The following PIK3CB variants were observed in gnomAD, a reference collection of about 807,000 sequenced individuals.
PIK3CB encodes the protein phosphatidylinositol-4,5-bisphosphate 3-kinase catalytic subunit beta, also known as phosphatidylinositol 4,5-bisphosphate 3-kinase catalytic subunit beta isoform.
PIK3CB carries 39 observed loss-of-function variants against 136.8 expected under a neutral mutation model. That is an observed-to-expected ratio of 0.29 (90% CI 0.22 to 0.37). The LOEUF (loss-of-function observed/expected upper bound fraction) is 0.37, where lower values mean the gene tolerates loss of function less well. Ranked by LOEUF, PIK3CB falls within the 10% of genes least tolerant of loss-of-function variation. The probability of loss-of-function intolerance (pLI) is 1.00; values close to 1 mark genes in which losing one functional copy is unlikely to be tolerated. For missense variants in PIK3CB, 868 were observed against 1,275.4 expected (o/e 0.68, Z 4.87); for synonymous variants, 428 against 436.6 (o/e 0.98, Z 0.25).
chr3:138,655,813 A>G (rs1469844268), intron 23 of PIK3CB, among the ~76,000 whole-genome samples: 1 of 152,220 alleles, frequency 6.6e-6, no homozygotes, highest in Non-Finnish European at 1.5e-5. Context: ...AGACCTACTA[A>G]GATCCTGGCA....
At chr3:138,832,383 G>C (rs1934073969) in intron 1 of PIK3CB, among the ~76,000 whole-genome samples, 1 of 152,004 alleles carries the variant, frequency 6.6e-6, no homozygotes, top group African/African-American at 2.4e-5. Context: ...TACAATTCCA[G>C]TTTAAACCTT....
intron 1 of PIK3CB, among the ~76,000 whole-genome samples, chr3:138,801,376 A>G (rs1205693670): frequency 1.3e-5 from 2 of 152,182 alleles, no homozygotes; most frequent in Admixed American, 1.3e-4. Flanking sequence ...AATGCATTAA[A>G]TGGATAAAAT....
At chr3:138,681,837 G>C (rs1194876196) in intron 19 of PIK3CB, 130 bp downstream of exon 19, 1 of 572,258 alleles carries the variant, frequency 1.7e-6, no homozygotes, top group African/African-American at 1.9e-5. Flanking sequence ...ACATTCTAAA[G>C]TGCTATATAA....
intron 1 of PIK3CB, chr3:138,825,637 C>CT: frequency 1.6e-6 from 1 of 635,788 alleles, no homozygotes; most frequent in Non-Finnish European, 2.9e-6. Flanking sequence ...ACTCGAAGCT[C>CT]TGGACTGCAT....
intron 20 of PIK3CB, 117 bp downstream of exon 20, chr3:138,664,919 G>A: frequency 1.8e-6 from 1 of 569,478 alleles, no homozygotes; most frequent in Non-Finnish European, 2.9e-6. Context: ...AAGAAATGAA[G>A]CAATAGATAA....
At chr3:138,691,166 T>C in intron 14 of PIK3CB, 23 bp from the exon 15 acceptor site, 10 of 1,605,136 alleles carry the variant, frequency 6.2e-6, no homozygotes, top group Non-Finnish European at 8.5e-6. Flanking sequence ...AAAGACACAG[T>C]GAGTAACCAA....
Position 138,810,543 on chromosome 3 carries a change from A to G in PIK3CB, c.-121-13976T>C, listed in dbSNP as rs114864017. ...AATTCCAGTCTAATCATTAAAAAAA[A>G]AAAAATCAGAAAAACTCAATTGAAA... On this transcript the variant is annotated intron_variant, in intron 1 of 23. Transcript: ENST00000674063. Among the ~76,000 whole-genome samples the G allele has an allele frequency of 7.1e-3, 1,079 of 152,258 alleles. 12 individuals are homozygous for G. The highest frequency in any genetic ancestry group is 0.025 in the African/African-American group (1,031 of 41,552).
chr3:138,772,884 C>A (rs895035842), intron 2 of PIK3CB, among the ~76,000 whole-genome samples: 16 of 146,734 alleles, frequency 1.1e-4, no homozygotes, highest in Admixed American at 4.9e-4. Context: ...CTCCCAGGTT[C>A]AAGTGATTCT....
intron 2 of PIK3CB, among the ~76,000 whole-genome samples, chr3:138,785,102 G>C (rs2045963410): frequency 6.6e-6 from 1 of 151,708 alleles, no homozygotes; most frequent in African/African-American, 2.4e-5. Context: ...GGGAGGTGGG[G>C]GGCAGCCCCC....
chr3:138,829,126 T>C lies in PIK3CB; in HGVS notation c.-122+5569A>G, dbSNP rs140641655. On this transcript the variant is annotated intron_variant, in intron 1 of 23. Transcript: ENST00000674063. ...CAAATTTTTTTATTTTATTTATTTTTTAGCACTCAAACAGATTATGACAGA... is the reference window on the plus strand; with the variant it reads ...CAAATTTTTTTATTTTATTTATTTTCTAGCACTCAAACAGATTATGACAGA... Among the ~76,000 whole-genome samples the C allele has an allele frequency of 5.0e-3, 756 of 151,960 alleles. 3 individuals are homozygous for C. The highest frequency in any genetic ancestry group is 0.014 in the Middle Eastern group (4 of 294).
chr3:138,655,760 A>G (rs899036538), intron 23 of PIK3CB, among the ~76,000 whole-genome samples: 2 of 152,218 alleles, frequency 1.3e-5, no homozygotes, highest in African/African-American at 4.8e-5. Flanking sequence ...TGCAGGATGC[A>G]CAGCTGCTTG....
At chr3:138,833,310 G>A (rs1241939749) in intron 1 of PIK3CB, among the ~76,000 whole-genome samples, 1 of 151,746 alleles carries the variant, frequency 6.6e-6, no homozygotes, top group African/African-American at 2.4e-5. Context: ...CAATTGATCC[G>A]CCCGCCTCGG....
intron 2 of PIK3CB, among the ~76,000 whole-genome samples, chr3:138,793,836 A>G (rs993941571): frequency 5.9e-5 from 9 of 152,212 alleles, no homozygotes; most frequent in Non-Finnish European, 7.3e-5. Flanking sequence ...CCTGAGCAAC[A>G]TAGTGAGGCA....
Position 138,688,892 on chromosome 3 carries a change from T to G in PIK3CB, c.2119A>C (p.Lys707Gln). 1.9e-6 allele frequency: 3 copies of G among 1,612,110 alleles called. No homozygotes were observed. The highest frequency in any genetic ancestry group is 1.7e-6 in the Non-Finnish European group (2 of 1,178,220). The change falls in exon 16 of 24, where the codon AAA (lysine) becomes CAA (glutamine). Residue 707 changes from lysine to glutamine, a missense_variant. Lys to Gln is a moderately conservative substitution (Grantham distance 53). This residue lies in a region of PIK3CB where 165 missense variants were observed against 295.4 expected (regional missense o/e 0.56). Coordinates refer to ENST00000674063, the MANE Select transcript of PIK3CB (RefSeq NM_006219.3). ...GCTGATACCTGCTTAGAAAGCACTT[T>G]CATGTGCCCCACACTTCCCCGGCAG... ...AYCRGSVGHM[K>Q]VLSKQVEALN...
intron 2 of PIK3CB, among the ~76,000 whole-genome samples, chr3:138,764,845 C>T (rs988809409): frequency 9.2e-5 from 14 of 152,164 alleles, no homozygotes; most frequent in Admixed American, 8.5e-4. Context: ...TGATACTCCT[C>T]GGTGTGTCTC....
rs571992065 is a variant in PIK3CB, at chr3:138,656,250, T to C, written c.2967A>G (p.Ala989=). The change falls in exon 23 of 24, where the codon GCA becomes GCG. Residue 989 remains alanine, a synonymous_variant. Transcript: ENST00000674063. ...TCCCATGCCGTCGTAAAATCAGATA[T>C]GCATCCTCACAACACTGGCGGAACC... is the stretch of plus-strand genomic sequence containing the variant. ...FGRFRQCCED[A]YLILRRHGNL... 1.8e-5 allele frequency: 29 copies of C among 1,614,140 alleles called. No individual in the cohort carries two copies. In the Admixed American group the frequency reaches 1.8e-4, roughly 10 times the overall value.
intron 1 of PIK3CB, among the ~76,000 whole-genome samples, chr3:138,809,188 G>A (rs183263518): frequency 1.6e-3 from 251 of 152,126 alleles, no homozygotes; most frequent in African/African-American, 5.7e-3. Context: ...TGAGGCAGGA[G>A]AATCGTTTGA....
At chr3:138,659,366 T>G (rs2043246537) in intron 21 of PIK3CB, among the ~76,000 whole-genome samples, 1 of 152,004 alleles carries the variant, frequency 6.6e-6, no homozygotes, top group Non-Finnish European at 1.5e-5. Flanking sequence ...CCTTTATACT[T>G]GACTGGGCGT....
chr3:138,742,992 A>C (rs1371661449), intron 4 of PIK3CB, among the ~76,000 whole-genome samples: 1 of 152,210 alleles, frequency 6.6e-6, no homozygotes, highest in Non-Finnish European at 1.5e-5. Context: ...ACATACAATT[A>C]TATTTTTTTA....
Sources: allele counts gnomAD v4.1 joint callset (sites outside exome capture counted in the v4.1 genomes callset), GRCh38; gene constraint gnomAD v4.1.1; regional missense constraint gnomAD v4.1.1; transcripts MANE v1.5; gene names NCBI Gene and HGNC (gene_info 2026-07-23, HGNC 2026-07-21).